ANP32B: variants seen among roughly 807,000 people sequenced by gnomAD.
ANP32B encodes the protein acidic nuclear phosphoprotein 32 family member B.
In ANP32B, 6 loss-of-function variants were observed where a neutral mutation model predicts 32.2. The ratio of observed to expected loss-of-function variants is 0.19; its 90% confidence interval spans 0.10 to 0.37. ANP32B has a LOEUF of 0.37. Among genes scored for constraint, ANP32B ranks in the 10% least tolerant of loss-of-function variants. ANP32B has a pLI of 1.00. For missense variants in ANP32B, 204 were observed against 289.2 expected (o/e 0.71, Z 2.14); for synonymous variants, 98 against 105.8 (o/e 0.93, Z 0.45).
intron 3 of ANP32B, among the ~76,000 whole-genome samples, chr9:98,000,680 T>C (rs1827974850): frequency 6.6e-6 from 1 of 151,992 alleles, no homozygotes; most frequent in Non-Finnish European, 1.5e-5. Flanking sequence ...TCCCAGCACT[T>C]TGGGAGGCCG....
At chr9:98,003,830 G>T (rs1828033644) in intron 3 of ANP32B, among the ~76,000 whole-genome samples, 1 of 152,136 alleles carries the variant, frequency 6.6e-6, no homozygotes, top group Admixed American at 6.5e-5. Flanking sequence ...TTTTTCTCTT[G>T]ATTCAGAACC....
chr9:97,985,414 C>T (rs907281605), intron 1 of ANP32B, among the ~76,000 whole-genome samples: 5 of 152,282 alleles, frequency 3.3e-5, no homozygotes, highest in South Asian at 2.1e-4. Flanking sequence ...TGGAGGGTCG[C>T]GGGCGTGCGT....
chr9:97,987,338 T>C (rs557357200), intron 1 of ANP32B, among the ~76,000 whole-genome samples: 4 of 152,276 alleles, frequency 2.6e-5, no homozygotes, highest in African/African-American at 9.6e-5. Context: ...ATAGTTTGTA[T>C]GACAAGGAAA....
At chr9:97,988,652 G>A (rs930140704) in intron 1 of ANP32B, among the ~76,000 whole-genome samples, 1 of 152,088 alleles carries the variant, frequency 6.6e-6, no homozygotes, top group Non-Finnish European at 1.5e-5. Flanking sequence ...TTGAACCCCG[G>A]GGACAGAGTT....
intron 1 of ANP32B, chr9:97,987,622 C>G (rs1827758663): frequency 6.6e-6 from 1 of 152,236 alleles, no homozygotes; most frequent in Non-Finnish European, 1.5e-5. Context: ...GCCTTCCTAT[C>G]AGCTCTGAGT....
At chr9:97,999,730 T>C (rs2131586325) in intron 3 of ANP32B, among the ~76,000 whole-genome samples, 1 of 152,322 alleles carries the variant, frequency 6.6e-6, no homozygotes, top group Non-Finnish European at 1.5e-5. Flanking sequence ...AATGTACTTA[T>C]TTTGCTTTTT....
intron 5 of ANP32B, among the ~76,000 whole-genome samples, chr9:98,012,019 A>G (rs1828193225): frequency 6.6e-6 from 1 of 152,240 alleles, no homozygotes; most frequent in African/African-American, 2.4e-5. Context: ...GTATAAAAAT[A>G]AGGCTTGGGG....
In ANP32B at chr9:98,015,509, A is replaced by T. The variant is rs796073598; in HGVS notation, c.*78A>T. The T allele has an allele frequency of 6.7e-7, 1 of 1,493,934 alleles. No individual in the cohort carries two copies. Among genetic ancestry groups the T allele is most frequent in the Non-Finnish European group, 8.9e-7 (1 of 1,121,970 alleles). 92.5% of individuals were successfully genotyped at this position (1,493,934 alleles called of 1,614,324 possible). A position where few individuals can be genotyped will look rare whatever the true frequency, so the allele number is the denominator to read the frequency against. On this transcript the variant is annotated 3_prime_UTR_variant, in exon 7 of 7. Coordinates refer to ENST00000339399, the MANE Select transcript of ANP32B (RefSeq NM_006401.3). ...ATGGATTTTGTAGCTGTTTAAAAAA[A>T]AAAAAAAGGTAGCTGTGATACAAAC...
intron 4 of ANP32B, among the ~76,000 whole-genome samples, chr9:98,008,826 T>C (rs1055356501): frequency 3.3e-5 from 5 of 152,182 alleles, no homozygotes; most frequent in African/African-American, 1.2e-4. Flanking sequence ...TATTACAATG[T>C]AATAATAGAA....
intron 1 of ANP32B, chr9:97,984,724 C>G (rs1298422497): frequency 6.6e-6 from 1 of 150,718 alleles, no homozygotes; most frequent in Non-Finnish European, 1.5e-5. Context: ...CGGGGCTTGG[C>G]TCCCACTGGC....
chr9:98,011,398 A>C lies in ANP32B; in HGVS notation c.636+9A>C. On this transcript the variant is annotated intron_variant, in intron 5 of 6. Transcript: ENST00000339399. The stretch of plus-strand genomic sequence containing the variant: ...ATGAAGTCAGTGAGGAGGTCAGTGC[A>C]GCTGTTTTCTACCCTGCTTCCTATT... 6.3e-7 allele frequency: 1 copy of C among 1,589,202 alleles called. No individual in the cohort carries two copies. The highest frequency in any genetic ancestry group is 8.6e-7 in the Non-Finnish European group (1 of 1,165,050).
intron 1 of ANP32B, chr9:97,986,548 G>T (rs1346275031): frequency 6.6e-6 from 1 of 152,248 alleles, no homozygotes; most frequent in African/African-American, 2.4e-5. Flanking sequence ...TTCTAAAAGA[G>T]AGTTTAAAGT....
chr9:98,004,900 G>A, intron 3 of ANP32B, 64 bp from the exon 4 acceptor site: 1 of 1,340,824 alleles, frequency 7.5e-7, no homozygotes, highest in Non-Finnish European at 1.0e-6. Context: ...ACCTCTTCAA[G>A]AGATGGATTT....
intron 1 of ANP32B, among the ~76,000 whole-genome samples, chr9:97,989,646 T>G (rs754090919): frequency 2.0e-5 from 3 of 152,108 alleles, no homozygotes; most frequent in Non-Finnish European, 4.4e-5. Context: ...GACCTCTGGT[T>G]TATTCTGAAT....
chr9:97,984,201 T>A (rs1295029420), intron 1 of ANP32B, among the ~76,000 whole-genome samples: 2 of 147,872 alleles, frequency 1.4e-5, no homozygotes, highest in African/African-American at 2.5e-5. Flanking sequence ...CTCGGGCGCC[T>A]GGAGGCCTGG....
chr9:98,011,110 A>C (rs1302546858), intron 4 of ANP32B, among the ~76,000 whole-genome samples, 161 bp from the exon 5 acceptor site: 1 of 152,150 alleles, frequency 6.6e-6, no homozygotes, highest in Non-Finnish European at 1.5e-5. Flanking sequence ...ATGGGACTCT[A>C]TCGGACAAAG....
chr9:97,995,059 A>G (rs141913371), intron 2 of ANP32B, among the ~76,000 whole-genome samples: 184 of 152,338 alleles, frequency 1.2e-3, no homozygotes, highest in Middle Eastern at 0.01. Flanking sequence ...TGGGTGCTCA[A>G]TAAGTAGTAG....
In ANP32B at chr9:97,984,080, C is replaced by T. The variant is rs975071385; in HGVS notation, c.54+471C>T. ...GGCCGGGGAAGGGGCGCGGGTGGGG[C>T]GGGACGGGGGCTCTTGTGGCCGGAG... On this transcript the variant is annotated intron_variant, in intron 1 of 6. Coordinates refer to ENST00000339399, the MANE Select transcript of ANP32B (RefSeq NM_006401.3). 2.1e-3 allele frequency among the ~76,000 whole-genome samples: 315 copies of T among 149,638 alleles called. 1 individual carries two copies. Among genetic ancestry groups the T allele is most frequent in the African/African-American group, 7.1e-3 (291 of 41,108 alleles).
chr9:97,995,626 G>A (rs981018225), intron 2 of ANP32B, among the ~76,000 whole-genome samples: 1 of 152,010 alleles, frequency 6.6e-6, no homozygotes, highest in Non-Finnish European at 1.5e-5. Flanking sequence ...AGTGGGTTAA[G>A]TATAATACAT....
Sources: gnomAD v4.1 joint callset for allele counts (sites outside exome capture counted in the v4.1 genomes callset) on GRCh38, gnomAD v4.1.1 for gene constraint, MANE v1.5 for transcripts, NCBI Gene and HGNC (gene_info 2026-07-23, HGNC 2026-07-21) for gene names.